The following DOP1B variants were observed in gnomAD, a reference collection of about 807,000 sequenced individuals.
DOP1B encodes DOP1 leucine zipper like protein B.
DOP1B carries 174 observed loss-of-function variants against 233.5 expected under a neutral mutation model. The ratio of observed to expected loss-of-function variants is 0.75; its 90% CI spans 0.66 to 0.85. DOP1B has a LOEUF of 0.85. DOP1B is among the 40% of genes least tolerant of loss of function. The probability of loss-of-function intolerance (pLI) is 0.00; values close to 1 mark genes in which losing one functional copy is unlikely to be tolerated. For missense variants in DOP1B, 2,652 were observed against 2,846.6 expected, an observed-to-expected ratio of 0.93 and a Z score of 1.56; for synonymous variants, 1,190 against 1,185.6, an observed-to-expected ratio of 1.00 and a Z score of -0.08.
chr21:36,160,034 C>T (rs1339933807), intron 1 of DOP1B, among the ~76,000 whole-genome samples: 1 of 152,124 alleles, frequency 6.6e-6, no homozygotes, highest in Non-Finnish European at 1.5e-5. Flanking sequence ...TTTCTTTCCC[C>T]CATGTTTAGA....
At chr21:36,281,407 A>G (rs7277281) in intron 31 of DOP1B, 76 bp from the exon 32 acceptor site, 635,408 of 1,444,302 alleles carry the variant, frequency 0.44, 141,736 homozygotes, top group African/African-American at 0.57. Flanking sequence ...ATAGAATTAC[A>G]CTAGTATGAA....
chr21:36,261,567 A>G, intron 24 of DOP1B: 1 of 985,344 alleles, frequency 1.0e-6, no homozygotes, highest in Non-Finnish European at 1.2e-6. Flanking sequence ...CCTCATTCAG[A>G]TCTTACAATG....
chr21:36,292,330 T>C (rs117187891), intron 36 of DOP1B, 97 bp downstream of exon 36: 28,043 of 944,102 alleles, frequency 0.03, 571 homozygotes, highest in East Asian at 0.062. Flanking sequence ...GGTCTTCGCT[T>C]ACTGCAGCCT....
intron 31 of DOP1B, among the ~76,000 whole-genome samples, chr21:36,281,153 A>G (rs9808764): frequency 0.63 from 95,265 of 151,878 alleles, 30,681 homozygotes; most frequent in African/African-American, 0.78. Flanking sequence ...AAAATTAACC[A>G]GGCACTGTGG....
intron 32 of DOP1B, among the ~76,000 whole-genome samples, chr21:36,286,102 A>G (rs1049039698): frequency 6.6e-6 from 1 of 152,044 alleles, no homozygotes; most frequent in African/African-American, 2.4e-5. Context: ...CTGTTGCACC[A>G]TCGAGTAGCA....
Position 36,246,187 on chromosome 21 carries a change from G to A in DOP1B, c.4207G>A (p.Gly1403Arg), listed in dbSNP as rs779407752. 44 of 1,613,620 alleles carry A rather than the reference G, an allele frequency of 2.7e-5. No individual in the cohort carries two copies. The highest frequency in any genetic ancestry group is 1.8e-4 in the East Asian group (8 of 44,882). Reference protein sequence around the residue: ...ASMYTSQKRYGLATAHHGRAL... With the variant: ...ASMYTSQKRYRLATAHHGRAL... ...CATGTACACGAGCCAGAAGCGCTAC[G>A]GGCTGGCCACCGCCCACCACGGCAG... The change falls in exon 19 of 37, where the codon GGG becomes AGG. Residue 1403 changes from glycine (G) to arginine (R), a missense_variant. By Grantham distance (125) the Gly-to-Arg change is moderately radical. Coordinates refer to ENST00000691173, the MANE Select transcript of DOP1B (RefSeq NM_001320714.2). This position sits in a 1 kb window ranked among gnomAD's most constrained non-coding sequence, Gnocchi z 5.1.
At position 36,198,723 on chromosome 21, in the gene DOP1B, C is replaced by T. The variant is rs373484635; in HGVS notation, c.139-347C>T. Among the ~76,000 whole-genome samples, 53 of 152,304 alleles carry T rather than the reference C, an allele frequency of 3.5e-4. 1 individual carries two copies. The highest frequency in any genetic ancestry group is 1.1e-3 in the African/African-American group (46 of 41,568). ...ATCTCCAACTGGTAGAAATGTCAGGCGTCACAGCCTGGAAGGCTTTAATCC... is the reference window on the plus strand; with the variant it reads ...ATCTCCAACTGGTAGAAATGTCAGGTGTCACAGCCTGGAAGGCTTTAATCC... On this transcript the variant is annotated intron_variant, in intron 2 of 36. Transcript: ENST00000691173.
intron 4 of DOP1B, among the ~76,000 whole-genome samples, chr21:36,204,491 T>C (rs1037164071): frequency 6.6e-6 from 1 of 151,964 alleles, no homozygotes; most frequent in East Asian, 1.9e-4. Context: ...ATGACCCACA[T>C]GATCACATTG....
chr21:36,176,093 T>TGC (rs1354047304), intron 2 of DOP1B, among the ~76,000 whole-genome samples: 3 of 141,676 alleles, frequency 2.1e-5, no homozygotes, highest in African/African-American at 8.0e-5. Context: ...TTGGGGTGTG[T>TGC]GTGCGTGTGT....
In DOP1B at chr21:36,284,265, C is replaced by CTTTTTTTTTTT. The variant is rs71326667; in HGVS notation, c.6160+2667_6160+2677dup. 2.2e-3 allele frequency among the ~76,000 whole-genome samples: 170 copies of CTTTTTTTTTTT among 75,872 alleles called. 1 individual carries two copies. Among genetic ancestry groups the CTTTTTTTTTTT allele is most frequent in the Non-Finnish European group, 2.9e-3 (121 of 42,052 alleles). 49.8% of individuals were successfully genotyped at this position (75,872 alleles called of 152,430 possible). ...GTGGCCAACCACCTGTTCCTTCTTT[C>CTTTTTTTTTTT]TTTTTTTTTTTTTTTTTTTTTTTGA... On this transcript the variant is annotated intron_variant, in intron 32 of 36. Coordinates refer to ENST00000691173, the MANE Select transcript of DOP1B (RefSeq NM_001320714.2).
intron 12 of DOP1B, among the ~76,000 whole-genome samples, chr21:36,226,499 A>G (rs887860074): frequency 2.6e-5 from 4 of 152,060 alleles, no homozygotes; most frequent in Admixed American, 6.5e-5. Flanking sequence ...GGGTTTCACC[A>G]TATTGGCCAA....
chr21:36,256,101 A>G (rs1005724775), intron 23 of DOP1B, among the ~76,000 whole-genome samples: 20 of 152,192 alleles, frequency 1.3e-4, no homozygotes, highest in Admixed American at 2.6e-4. Context: ...ATTTATTTCA[A>G]TCTTGAAATA....
In DOP1B at chr21:36,232,657, T is replaced by C. The variant is rs145301184; in HGVS notation, c.2351-147T>C. ...TGTAAGGACCTTATTTCCAAATAAG[T>C]CTCACCAGCGGGAGGTTAGCGCACT... On this transcript the variant is annotated intron_variant, in intron 14 of 36. Transcript: ENST00000691173. 908 of 1,048,416 alleles carry C rather than the reference T, an allele frequency of 8.7e-4. 5 individuals carry two copies. In the African/African-American group the frequency reaches 0.013, roughly 15 times the overall value. The allele number at this position is 1,048,416 out of a possible 1,614,324, so 64.9% of individuals were successfully genotyped here.
chr21:36,277,943 G>A (rs1356186293), intron 28 of DOP1B, 32 bp from the exon 29 acceptor site: 1 of 1,592,820 alleles, frequency 6.3e-7, no homozygotes, highest in Non-Finnish European at 8.6e-7. Context: ...CACCTGGCCA[G>A]TTTCTGTTTT....
chr21:36,293,421 T>C lies in DOP1B; in HGVS notation c.6747T>C (p.Thr2249=). The C allele has an allele frequency of 1.2e-6, 2 of 1,614,154 alleles. No homozygotes were observed. Among genetic ancestry groups the C allele is most frequent in the East Asian group, 2.2e-5 (1 of 44,882 alleles). The stretch of plus-strand genomic sequence containing the variant: ...GGCAGTTGATGCCATTCTTCATGAC[T>C]CTAAATGGTGCATTTAAGACCCAGA... ...SIRQLMPFFM[T]LNGAFKTQRQ... is the part of the protein sequence containing the mutation. The change falls in exon 37 of 37, where the codon ACT becomes ACC. Residue 2249 remains threonine, a synonymous_variant. Transcript: ENST00000691173.
Position 36,237,400 on chromosome 21 carries a change from C to T in DOP1B, c.2761C>T (p.Leu921=). 6.2e-7 allele frequency: 1 copy of T among 1,614,110 alleles called. No homozygotes were observed. The highest frequency in any genetic ancestry group is 8.5e-7 in the Non-Finnish European group (1 of 1,180,030). The change falls in exon 16 of 37, where the codon CTG becomes TTG. Residue 921 remains leucine, a synonymous_variant. Transcript: ENST00000691173. ...CGAGGACATCATCTGCCATGCCCTCCTGGACCCTGACAAGGTGAGCCTTTC... is the reference window on the plus strand; with the variant it reads ...CGAGGACATCATCTGCCATGCCCTCTTGGACCCTGACAAGGTGAGCCTTTC... ...ICEDIICHAL[L]DPDKGTRLEA...
Position 36,214,122 on chromosome 21 carries a change from A to G in DOP1B, c.946A>G (p.Ile316Val). Residue 316 changes from isoleucine (I) to valine (V), a missense_variant, in exon 8 of 37, where the codon ATC (isoleucine) becomes GTC (valine). By Grantham distance (29) the Ile-to-Val change is conservative (BLOSUM62 3). Coordinates refer to ENST00000691173, the MANE Select transcript of DOP1B (RefSeq NM_001320714.2). Reference sequence around the variant, plus strand: ...AAATACCGTTGTGCCAGAATCTGAAATCTCAAATTCTTATGAAGACCAGTC... The same window carrying G: ...AAATACCGTTGTGCCAGAATCTGAAGTCTCAAATTCTTATGAAGACCAGTC... The part of the protein sequence containing the change: ...KGNTVVPESE[I>V]SNSYEDQSSY... 1 of 1,614,090 alleles carries G rather than the reference A, an allele frequency of 6.2e-7. No homozygotes were observed.
chr21:36,266,575 C>T (rs1218786926), intron 26 of DOP1B, among the ~76,000 whole-genome samples: 2 of 151,252 alleles, frequency 1.3e-5, no homozygotes, highest in African/African-American at 2.5e-5. Flanking sequence ...TCCTAGGGCA[C>T]CACCCTCTAG....
chr21:36,227,145 T>C (rs182926385), intron 12 of DOP1B, among the ~76,000 whole-genome samples: 1,488 of 148,604 alleles, frequency 0.01, 12 homozygotes, highest in Non-Finnish European at 0.016. Context: ...GAGGCAGAGC[T>C]TGCAGTGAGC....
Sources: allele counts gnomAD v4.1 joint callset (sites outside exome capture counted in the v4.1 genomes callset), GRCh38; gene constraint gnomAD v4.1.1; non-coding constraint Gnocchi (gnomAD v3.1); transcripts MANE v1.5; gene names NCBI Gene and HGNC (gene_info 2026-07-23, HGNC 2026-07-21).